The following PCDH7 variants were observed in gnomAD, a reference collection of about 807,000 sequenced individuals.
The protein encoded by PCDH7 is protocadherin 7.
PCDH7 carries 17 observed loss-of-function variants against 58.9 expected under a neutral mutation model. The ratio of observed to expected loss-of-function variants is 0.29; its 90% CI spans 0.20 to 0.43. The LOEUF (loss-of-function observed/expected upper bound fraction) is 0.43, where lower values mean the gene tolerates loss of function less well. Among genes scored for constraint, PCDH7 ranks in the 20% least tolerant of loss-of-function variants. The pLI is 1.00. For missense variants in PCDH7, 1,274 were observed against 1,441.0 expected (o/e 0.88, Z 1.88); for synonymous variants, 664 against 616.4 (o/e 1.08, Z -1.14).
At chr4:30,868,943 G>A (rs1267849310) in intron 1 of PCDH7, 1 of 152,044 alleles carries the variant, frequency 6.6e-6, no homozygotes, top group Non-Finnish European at 1.5e-5. Flanking sequence ...AAAAGAATTA[G>A]TAAAATGAAA....
At chr4:30,981,884 T>A (rs1390733405) in intron 3 of PCDH7, among the ~76,000 whole-genome samples, 1 of 152,218 alleles carries the variant, frequency 6.6e-6, no homozygotes, top group Non-Finnish European at 1.5e-5. Flanking sequence ...AGAATGCCAT[T>A]CACCATTGTT....
chr4:31,137,735 G>A (rs1007339942), intron 3 of PCDH7, among the ~76,000 whole-genome samples: 8 of 152,226 alleles, frequency 5.3e-5, no homozygotes, highest in East Asian at 1.9e-4. Flanking sequence ...AAGTCCATAC[G>A]TTGACTTAAC....
chr4:31,032,543 G>A (rs914124420), intron 3 of PCDH7, among the ~76,000 whole-genome samples: 2 of 151,454 alleles, frequency 1.3e-5, no homozygotes, highest in Admixed American at 6.6e-5. Flanking sequence ...AGGAGGTGGA[G>A]GTTTCAGTGA....
chr4:30,770,108 A>G (rs1721212974), intron 1 of PCDH7, among the ~76,000 whole-genome samples: 1 of 152,228 alleles, frequency 6.6e-6, no homozygotes, highest in Non-Finnish European at 1.5e-5. Flanking sequence ...CCTGAGTTCA[A>G]AAATGAAAGG....
At chr4:30,886,690 A>T (rs1237672553) in intron 1 of PCDH7, among the ~76,000 whole-genome samples, 1 of 151,574 alleles carries the variant, frequency 6.6e-6, no homozygotes, top group Non-Finnish European at 1.5e-5. Context: ...TTATTGCGGC[A>T]TTATTCACAA....
rs147749298 is a variant in PCDH7 at position 31,051,837 on chromosome 4, G to GT, written c.*8-90636_*8-90635insT. On this transcript the variant is annotated intron_variant, in intron 3 of 3. Coordinates refer to the PCDH7 transcript ENST00000509759. ...CAAAGCATTGTTGGGTGTGTGTGGG[G>GT]GGCGGGTAGGGGAATTGTTCATGAT... 4.5e-4 allele frequency among the ~76,000 whole-genome samples: 67 copies of GT among 149,694 alleles called. 1 individual carries two copies. Among genetic ancestry groups the GT allele is most frequent in the African/African-American group, 1.6e-3 (65 of 39,654 alleles).
intron 1 of PCDH7, among the ~76,000 whole-genome samples, chr4:30,847,026 G>A (rs1216106135): frequency 6.6e-6 from 1 of 152,008 alleles, no homozygotes; most frequent in East Asian, 1.9e-4. Context: ...GGGAGGCTGA[G>A]GTGGGAGGAG....
intron 1 of PCDH7, among the ~76,000 whole-genome samples, chr4:30,851,711 A>G (rs1645825581): frequency 6.6e-6 from 1 of 152,078 alleles, no homozygotes; most frequent in Admixed American, 6.6e-5. Flanking sequence ...TGAGTGTAGT[A>G]ACCACTACTG....
intron 1 of PCDH7, among the ~76,000 whole-genome samples, chr4:30,745,544 G>A (rs1717666538): frequency 6.6e-6 from 1 of 152,042 alleles, no homozygotes; most frequent in South Asian, 2.1e-4. Context: ...AAAAAGCCTT[G>A]ACATGAGGCT....
At chr4:31,106,771 C>T (rs1225421896) in intron 3 of PCDH7, among the ~76,000 whole-genome samples, 1 of 152,172 alleles carries the variant, frequency 6.6e-6, no homozygotes, top group Admixed American at 6.5e-5. Flanking sequence ...TTAGACATAT[C>T]ATACTGGTTC....
chr4:31,078,975 C>T (rs1239256050), intron 3 of PCDH7, among the ~76,000 whole-genome samples: 1 of 151,736 alleles, frequency 6.6e-6, no homozygotes, highest in Non-Finnish European at 1.5e-5. Flanking sequence ...GGTCTGTTGA[C>T]TCCAGTCGAT....
intron 3 of PCDH7, among the ~76,000 whole-genome samples, chr4:31,005,171 C>T (rs1030540114): frequency 5.3e-5 from 8 of 152,098 alleles, no homozygotes; most frequent in South Asian, 2.1e-4. Context: ...ACAAACTGCT[C>T]GGCAGATGTT....
At chr4:31,100,706 A>T (rs1714784774) in intron 3 of PCDH7, among the ~76,000 whole-genome samples, 1 of 152,180 alleles carries the variant, frequency 6.6e-6, no homozygotes, top group East Asian at 1.9e-4. Flanking sequence ...CCTCTTTAGG[A>T]TTTTTTCCAT....
At chr4:30,993,371 A>G (rs1415939677) in intron 3 of PCDH7, among the ~76,000 whole-genome samples, 2 of 152,186 alleles carry the variant, frequency 1.3e-5, no homozygotes, top group Admixed American at 6.5e-5. Flanking sequence ...CCTTTCCAAG[A>G]TGTCGCCATG....
At chr4:30,930,377 T>A (rs987776457) in intron 2 of PCDH7, among the ~76,000 whole-genome samples, 1 of 152,218 alleles carries the variant, frequency 6.6e-6, no homozygotes, top group African/African-American at 2.4e-5. Context: ...TAAGATATCC[T>A]GTACTTAAGG....
Position 30,723,966 on chromosome 4 carries a change from G to T in PCDH7, c.2544G>T (p.Ala848=), listed in dbSNP as rs781122880. 9.9e-6 allele frequency: 16 copies of T among 1,613,992 alleles called. No individual in the cohort carries two copies. The Admixed American group carries it at 1.8e-4, about 18-fold the overall frequency. ...ATGAAAGTGTTTCTAATGCAACTGC[G>T]ATTGACTCCCAGATAGCTAGAAGTT... Residue 848 remains alanine (A), a synonymous_variant, in exon 1 of 2, where the codon GCG becomes GCT. Coordinates refer to ENST00000361762, the Ensembl canonical transcript of PCDH7. This position sits in a 1 kb window ranked among gnomAD's most constrained non-coding sequence, Gnocchi z 4.6.
intron 3 of PCDH7, among the ~76,000 whole-genome samples, chr4:30,974,246 C>CTTTCTTTCCTTTCCTTTCCT (rs66793376): frequency 2.3e-5 from 3 of 129,314 alleles, no homozygotes; most frequent in Admixed American, 7.8e-5. Flanking sequence ...TTCTTTCTTT[C>CTTTCTTTCCTTTCCTTTCCT]TTCCTTTCCT....
intron 3 of PCDH7, among the ~76,000 whole-genome samples, chr4:31,074,482 G>C (rs1758806845): frequency 1.3e-5 from 2 of 151,936 alleles, no homozygotes. Context: ...AAAGACATTT[G>C]TTTGGTTAAA....
chr4:30,846,266 G>T (rs977964550), intron 1 of PCDH7, among the ~76,000 whole-genome samples: 9 of 152,000 alleles, frequency 5.9e-5, no homozygotes, highest in African/African-American at 1.9e-4. Flanking sequence ...GGTCATGAGG[G>T]CATTGCCCTC....
Sources: allele counts gnomAD v4.1 joint callset (sites outside exome capture counted in the v4.1 genomes callset), GRCh38; gene constraint gnomAD v4.1.1; non-coding constraint Gnocchi (gnomAD v3.1); transcripts MANE v1.5; gene names NCBI Gene and HGNC (gene_info 2026-07-23, HGNC 2026-07-21).